Variants in TRAF3 observed in about 807,000 individuals in gnomAD.
TRAF3 encodes TNF receptor associated factor 3.
A neutral mutation model predicts 62.3 loss-of-function variants in TRAF3; 13 were observed. The ratio of observed to expected loss-of-function variants is 0.21; its 90% confidence interval spans 0.14 to 0.33. The LOEUF is 0.33. TRAF3 is among the 10% of genes least tolerant of loss of function. The pLI is 1.00. For missense variants in TRAF3, 440 were observed against 741.8 expected (o/e 0.59, Z 4.73); for synonymous variants, 269 against 283.4 (o/e 0.95, Z 0.51).
At chr14:102,816,818 G>A (rs1039426304) in intron 1 of TRAF3, among the ~76,000 whole-genome samples, 6 of 152,160 alleles carry the variant, frequency 3.9e-5, no homozygotes, top group African/African-American at 1.2e-4. Flanking sequence ...TCCTGTGCCC[G>A]CTGCCAGGAA....
chr14:102,796,460 G>T (rs371032316), intron 1 of TRAF3, among the ~76,000 whole-genome samples: 2 of 152,374 alleles, frequency 1.3e-5, no homozygotes, highest in East Asian at 1.9e-4. Flanking sequence ...AAGAGGGCTT[G>T]TGGGAACCCC....
intron 1 of TRAF3, among the ~76,000 whole-genome samples, chr14:102,803,576 ATTT>A (rs747187998): frequency 6.9e-6 from 1 of 144,780 alleles, no homozygotes. Flanking sequence ...CAGAAGTATA[ATTT>A]TTTTTTTTTT....
chr14:102,844,426 T>C (rs1886570981), intron 2 of TRAF3, among the ~76,000 whole-genome samples: 1 of 152,138 alleles, frequency 6.6e-6, no homozygotes. Flanking sequence ...TCTCTATAAG[T>C]CCCATAGTGG....
At chr14:102,898,395 C>T (rs1890108849) in intron 10 of TRAF3, among the ~76,000 whole-genome samples, 1 of 152,236 alleles carries the variant, frequency 6.6e-6, no homozygotes, top group African/African-American at 2.4e-5. Flanking sequence ...AACACCAAGC[C>T]TCCCGCTGGA....
intron 2 of TRAF3, among the ~76,000 whole-genome samples, chr14:102,834,386 A>G (rs1217098162): frequency 6.6e-6 from 1 of 152,102 alleles, no homozygotes; most frequent in African/African-American, 2.4e-5. Context: ...CTGGCTAGCC[A>G]CATGCAGAAG....
chr14:102,880,959 C>T (rs1168359278), intron 6 of TRAF3, among the ~76,000 whole-genome samples: 2 of 151,984 alleles, frequency 1.3e-5, no homozygotes, highest in Non-Finnish European at 2.9e-5. Flanking sequence ...TGCCTGTAAT[C>T]GCAGGTGCCT....
At chr14:102,785,244 C>G (rs1396164903) in intron 1 of TRAF3, among the ~76,000 whole-genome samples, 1 of 152,172 alleles carries the variant, frequency 6.6e-6, no homozygotes, top group Admixed American at 6.5e-5. Context: ...ATGGCTGATA[C>G]TCTAGGCCGC....
chr14:102,876,833 A>C (rs1888691611), intron 6 of TRAF3, among the ~76,000 whole-genome samples: 2 of 151,090 alleles, frequency 1.3e-5, no homozygotes, highest in Admixed American at 1.3e-4. Context: ...TCCATTCCAC[A>C]GGCCTTCCGC....
Position 102,876,420 on chromosome 14 carries a change from A to G in TRAF3, c.465A>G (p.Glu155=). ...ELPCVRPDCK[E]KVLRKDLRDH... is the part of the protein sequence containing the mutation. ...CATGTGTGCGTCCTGACTGCAAAGA[A>G]AAGGTCTTGAGGAAAGACCTGCGAG... The change falls in exon 6 of 12, where the codon GAA becomes GAG. Residue 155 remains glutamate (E), a synonymous_variant. Transcript: ENST00000392745. 1 of 1,614,258 alleles carries G rather than the reference A, an allele frequency of 6.2e-7. No individual in the cohort carries two copies.
chr14:102,813,278 A>G (rs1014458751), intron 1 of TRAF3, among the ~76,000 whole-genome samples: 4 of 151,602 alleles, frequency 2.6e-5, no homozygotes, highest in African/African-American at 4.8e-5. Context: ...CCTGGCCTGT[A>G]TTTTTGATAA....
intron 5 of TRAF3, among the ~76,000 whole-genome samples, chr14:102,875,945 C>CT (rs1888623691): frequency 6.6e-6 from 1 of 151,492 alleles, no homozygotes; most frequent in Non-Finnish European, 1.5e-5. Context: ...TTTAAACACT[C>CT]CCCCCCCTAC....
At chr14:102,842,875 T>C (rs1406147029) in intron 2 of TRAF3, among the ~76,000 whole-genome samples, 3 of 152,304 alleles carry the variant, frequency 2.0e-5, no homozygotes, top group East Asian at 1.9e-4. Context: ...AAAATGTCTT[T>C]CAAAAATGAA....
At chr14:102,802,979 G>C (rs1434701131) in intron 1 of TRAF3, among the ~76,000 whole-genome samples, 1 of 152,192 alleles carries the variant, frequency 6.6e-6, no homozygotes, top group Admixed American at 6.5e-5. Context: ...GTGGCAGCAA[G>C]GAGAAGTGCA....
Position 102,794,711 on chromosome 14 carries a change from T to G in TRAF3, c.-157+17036T>G, listed in dbSNP as rs1897975822. On this transcript the variant is annotated intron_variant, in intron 1 of 11. Transcript: ENST00000392745. ...ATATGTTAGATACCCATTTGAAAACTGTTGTGGATTAAAATGGAAATGCCA... is the reference window on the plus strand; with the variant it reads ...ATATGTTAGATACCCATTTGAAAACGGTTGTGGATTAAAATGGAAATGCCA... Among the ~76,000 whole-genome samples the G allele has an allele frequency of 1.3e-5, 2 of 152,232 alleles. 1 individual carries two copies. The highest frequency in any genetic ancestry group is 1.3e-4 in the Admixed American group (2 of 15,278).
In TRAF3 at chr14:102,905,967, C is replaced by G; in HGVS notation, c.*183C>G. The G allele has an allele frequency of 1.8e-6, 1 of 545,670 alleles. No homozygotes were observed. The highest frequency in any genetic ancestry group is 3.2e-6 in the Non-Finnish European group (1 of 309,358). The allele number at this position is 545,670 out of a possible 1,614,324, so 33.8% of individuals were successfully genotyped here. On this transcript the variant is annotated 3_prime_UTR_variant, in exon 12 of 12. Transcript: ENST00000392745. ...CACACCTGACACGTTTTATAATAGA[C>G]TAGCCACACTTCACTCTGAAGAATT...
chr14:102,800,502 C>T (rs937360621), intron 1 of TRAF3, among the ~76,000 whole-genome samples: 17 of 152,266 alleles, frequency 1.1e-4, no homozygotes, highest in Admixed American at 3.3e-4. Flanking sequence ...AAAGTGAGTG[C>T]GATGGTGCAG....
At chr14:102,840,523 G>A (rs1202246796) in intron 2 of TRAF3, among the ~76,000 whole-genome samples, 5 of 152,126 alleles carry the variant, frequency 3.3e-5, no homozygotes, top group Admixed American at 2.0e-4. Context: ...GAGCCACCAC[G>A]CCTGGCCCAA....
intron 7 of TRAF3, among the ~76,000 whole-genome samples, chr14:102,887,656 G>A (rs966901771): frequency 2.6e-5 from 4 of 151,904 alleles, no homozygotes; most frequent in Non-Finnish European, 5.9e-5. Context: ...GTGCAGTGGC[G>A]TGATCTCGGC....
intron 10 of TRAF3, among the ~76,000 whole-genome samples, chr14:102,902,831 C>G (rs1019752146): frequency 2.0e-5 from 3 of 152,156 alleles, no homozygotes; most frequent in Non-Finnish European, 4.4e-5. Flanking sequence ...GGCGGGCAGG[C>G]GGCACCAGTG....
Sources: allele counts gnomAD v4.1 joint callset (sites outside exome capture counted in the v4.1 genomes callset), GRCh38; gene constraint gnomAD v4.1.1; transcripts MANE v1.5; gene names NCBI Gene and HGNC (gene_info 2026-07-23, HGNC 2026-07-21).